The following NBAS variants were observed in gnomAD, a reference collection of about 807,000 sequenced individuals.
NBAS encodes NAG/BC035112 fusion.
In NBAS, 219 loss-of-function variants were observed where a neutral mutation model predicts 302.5. That is an observed-to-expected ratio of 0.72 (90% CI 0.65 to 0.81). The LOEUF is 0.81. NBAS is among the 30% of genes least tolerant of loss of function. The pLI, the probability that NBAS is intolerant of heterozygous loss-of-function variation, is 0.00. For synonymous variants in NBAS, 1,118 were observed against 1,021.6 expected (o/e 1.09, Z -1.80); for missense variants, 2,932 against 2,841.6 (o/e 1.03, Z -0.72).
At chr2:14,968,178 C>A in the NBAS span, among the ~76,000 whole-genome samples, 3 of 152,166 alleles carry the variant, frequency 2.0e-5, no homozygotes, top group Admixed American at 6.5e-5. Context: ...AGTGTTGACA[C>A]CCAATCCAAA....
At chr2:14,948,771 G>A in the NBAS span, among the ~76,000 whole-genome samples, 41 of 151,968 alleles carry the variant, frequency 2.7e-4, no homozygotes, top group East Asian at 6.9e-3. Context: ...CACAAGACTC[G>A]GAATAGCCCA....
At chr2:15,243,443 T>C (rs1558468482) in intron 44 of NBAS, among the ~76,000 whole-genome samples, 1 of 152,066 alleles carries the variant, frequency 6.6e-6, no homozygotes, top group Non-Finnish European at 1.5e-5. Context: ...ACAGGCCCCT[T>C]TGCAGTCTTT....
At chr2:15,232,145 A>C (rs949108074) in intron 47 of NBAS, among the ~76,000 whole-genome samples, 1 of 152,120 alleles carries the variant, frequency 6.6e-6, no homozygotes, top group Non-Finnish European at 1.5e-5. Context: ...GGAAGCTCAG[A>C]GCAGTTTCTG....
chr2:14,899,804 G>A, the NBAS span, among the ~76,000 whole-genome samples: 46 of 151,628 alleles, frequency 3.0e-4, no homozygotes, highest in South Asian at 6.3e-4. Flanking sequence ...CCTGGGAAAC[G>A]GGCCACCTGG....
chr2:15,414,260 T>C (rs1676815775), intron 25 of NBAS, among the ~76,000 whole-genome samples: 2 of 152,246 alleles, frequency 1.3e-5, no homozygotes, highest in South Asian at 4.1e-4. Context: ...ATTTTGATTA[T>C]ACTGGTCCAT....
At chr2:15,326,330 C>G (rs1368577403) in intron 38 of NBAS, among the ~76,000 whole-genome samples, 1 of 152,104 alleles carries the variant, frequency 6.6e-6, no homozygotes, top group Non-Finnish European at 1.5e-5. Context: ...AACAATAAAA[C>G]AAGGTATGCT....
intron 9 of NBAS, among the ~76,000 whole-genome samples, chr2:15,520,475 G>T (rs1037963760): frequency 2.6e-5 from 4 of 152,068 alleles, no homozygotes; most frequent in Admixed American, 2.6e-4. Flanking sequence ...AACAGAACTA[G>T]ACCCATACTC....
At chr2:15,007,447 G>A in the NBAS span, among the ~76,000 whole-genome samples, 1 of 152,084 alleles carries the variant, frequency 6.6e-6, no homozygotes, top group Non-Finnish European at 1.5e-5. Context: ...TTGCTCTCTT[G>A]ATTTTTAAAC....
chr2:15,022,488 G>T, the NBAS span, among the ~76,000 whole-genome samples: 1 of 152,214 alleles, frequency 6.6e-6, no homozygotes, highest in East Asian at 1.9e-4. Context: ...TTTTCAACTA[G>T]ATTTACAATA....
intron 44 of NBAS, among the ~76,000 whole-genome samples, chr2:15,273,054 C>T (rs941609213): frequency 2.0e-5 from 3 of 152,162 alleles, no homozygotes; most frequent in Admixed American, 6.5e-5. Flanking sequence ...TCTACACACA[C>T]GCTCACGATT....
At chr2:14,844,116 G>T in the NBAS span, among the ~76,000 whole-genome samples, 1 of 152,108 alleles carries the variant, frequency 6.6e-6, no homozygotes, top group Non-Finnish European at 1.5e-5. Context: ...ACCCCAGGGA[G>T]CACAGCTTGT....
At chr2:15,515,665 T>C (rs1247606780) in intron 9 of NBAS, among the ~76,000 whole-genome samples, 1 of 152,150 alleles carries the variant, frequency 6.6e-6, no homozygotes, top group Admixed American at 6.5e-5. Flanking sequence ...ATGGTGATGA[T>C]TGGCCAAGTA....
At chr2:15,433,692 A>C (rs1290824850) in intron 21 of NBAS, among the ~76,000 whole-genome samples, 1 of 152,214 alleles carries the variant, frequency 6.6e-6, no homozygotes, top group Non-Finnish European at 1.5e-5. Flanking sequence ...CAAGTTTTAA[A>C]ATTAGTTTTT....
chr2:15,127,319 T>A, the NBAS span, among the ~76,000 whole-genome samples: 2 of 152,296 alleles, frequency 1.3e-5, no homozygotes, highest in South Asian at 4.1e-4. Flanking sequence ...GTATAATAAT[T>A]TTCCACCCCA....
intron 23 of NBAS, among the ~76,000 whole-genome samples, chr2:15,420,770 C>T (rs757392955): frequency 6.6e-6 from 1 of 151,890 alleles, no homozygotes; most frequent in Non-Finnish European, 1.5e-5. Flanking sequence ...AATACAAAGC[C>T]AAATCATGTT....
At chr2:15,021,188 T>C in the NBAS span, among the ~76,000 whole-genome samples, 1 of 151,994 alleles carries the variant, frequency 6.6e-6, no homozygotes, top group Admixed American at 6.6e-5. Flanking sequence ...AGCCGAGTTC[T>C]TGCCACTGCA....
chr2:14,793,894 G>T, the NBAS span, among the ~76,000 whole-genome samples: 1 of 152,008 alleles, frequency 6.6e-6, no homozygotes, highest in Admixed American at 6.6e-5. Flanking sequence ...GAAGGAAAAG[G>T]CACAATATTT....
chr2:15,290,330 T>C (rs1670252916), intron 41 of NBAS, among the ~76,000 whole-genome samples: 1 of 152,190 alleles, frequency 6.6e-6, no homozygotes, highest in Admixed American at 6.5e-5. Flanking sequence ...AAAGAAGCCA[T>C]TCAAACACTG....
chr2:15,397,753 A>G (rs951838912), intron 26 of NBAS: 7 of 260,702 alleles, frequency 2.7e-5, no homozygotes, highest in Non-Finnish European at 3.7e-5. Flanking sequence ...CCTTTTTGGC[A>G]TGACCGTTGT....
Sources: allele counts gnomAD v4.1 joint callset (sites outside exome capture counted in the v4.1 genomes callset), GRCh38; gene constraint gnomAD v4.1.1; transcripts MANE v1.5; gene names NCBI Gene and HGNC (gene_info 2026-07-23, HGNC 2026-07-21).